CTNNA2: variants seen among roughly 807,000 people sequenced by gnomAD.
The protein encoded by CTNNA2 is catenin alpha 2.
CTNNA2 carries 42 observed loss-of-function variants against 101.0 expected under a neutral mutation model. That is an observed-to-expected ratio of 0.42 (90% confidence interval 0.32 to 0.54). The LOEUF (loss-of-function observed/expected upper bound fraction) is 0.54. Among genes scored for constraint, CTNNA2 ranks in the 20% least tolerant of loss-of-function variants. The pLI, the probability that CTNNA2 is intolerant of heterozygous loss-of-function variation, is 0.14. For missense variants in CTNNA2, 871 were observed against 1,223.1 expected (o/e 0.71, Z 4.29); for synonymous variants, 450 against 456.4 (o/e 0.99, Z 0.18).
At chr2:79,636,269 CAAAAAAAAAAAAA>C (rs57739991) in intron 1 of CTNNA2, among the ~76,000 whole-genome samples, 11 of 67,260 alleles carry the variant, frequency 1.6e-4, no homozygotes, top group Admixed American at 3.8e-4. Flanking sequence ...GACTCTGTCT[CAAAAAAAAAAAAA>C]AAAAAAAAAA....
chr2:79,806,738 T>C (rs1251849563), intron 3 of CTNNA2, among the ~76,000 whole-genome samples: 1 of 152,116 alleles, frequency 6.6e-6, no homozygotes, highest in Non-Finnish European at 1.5e-5. Context: ...GGGTTGCTTC[T>C]GTGTACAACC....
At chr2:79,682,282 G>C (rs1418435420) in intron 2 of CTNNA2, among the ~76,000 whole-genome samples, 1 of 151,528 alleles carries the variant, frequency 6.6e-6, no homozygotes, top group Non-Finnish European at 1.5e-5. Context: ...GTGGTGGCGG[G>C]CGCCTGTAAT....
At chr2:79,785,206 G>T (rs1307163504) in intron 3 of CTNNA2, among the ~76,000 whole-genome samples, 1 of 152,076 alleles carries the variant, frequency 6.6e-6, no homozygotes, top group Admixed American at 6.5e-5. Context: ...GTTGCCAATG[G>T]CTCTCCATCT....
At position 79,552,695 on chromosome 2, in the gene CTNNA2, T is replaced by C. The variant is rs1674190553; in HGVS notation, c.-6+39488T>C. 2.0e-5 allele frequency among the ~76,000 whole-genome samples: 3 copies of C among 152,198 alleles called. No homozygotes were observed. In the South Asian group the frequency reaches 6.2e-4, roughly 32 times the overall value. On this transcript the variant is annotated intron_variant, in intron 1 of 18. Transcript: ENST00000402739. ...GCACACCCTGAGGCTTAACATCTCA[T>C]GGAAGCCACCAAAGCTTTTGGCTTG...
chr2:79,285,398 T>C (rs1473387593), intron 2 of CTNNA2, among the ~76,000 whole-genome samples: 2 of 149,576 alleles, frequency 1.3e-5, no homozygotes, highest in Admixed American at 1.3e-4. Context: ...TTTAGTGCTA[T>C]AAATTTCCCT....
intron 9 of CTNNA2, among the ~76,000 whole-genome samples, chr2:80,457,114 T>G (rs1037609901): frequency 1.3e-5 from 2 of 151,988 alleles, no homozygotes; most frequent in African/African-American, 4.8e-5. Flanking sequence ...TCTCGCTCTG[T>G]CACCCAGGCG....
intron 4 of CTNNA2, among the ~76,000 whole-genome samples, chr2:79,450,506 G>A (rs553533292): frequency 4.5e-4 from 69 of 152,126 alleles, no homozygotes; most frequent in African/African-American, 1.6e-3. Flanking sequence ...AGATTATATA[G>A]TATAAAACTG....
chr2:80,005,539 G>A (rs1300615989), intron 7 of CTNNA2, among the ~76,000 whole-genome samples: 4 of 152,160 alleles, frequency 2.6e-5, no homozygotes, highest in Admixed American at 6.5e-5. Context: ...TAGAAATCTT[G>A]GTTTTGGCAC....
chr2:79,951,351 T>C (rs1688866303), intron 7 of CTNNA2, among the ~76,000 whole-genome samples: 1 of 152,158 alleles, frequency 6.6e-6, no homozygotes, highest in Admixed American at 6.5e-5. Flanking sequence ...TCCCAATAAT[T>C]AAATTTACCC....
At chr2:80,285,579 G>C in intron 7 of CTNNA2, among the ~76,000 whole-genome samples, 1 of 152,058 alleles carries the variant, frequency 6.6e-6, no homozygotes, top group East Asian at 1.9e-4. Context: ...CATAGTCTGG[G>C]GACCAAGTCA....
chr2:79,414,107 A>G (rs1193434446), intron 4 of CTNNA2, among the ~76,000 whole-genome samples: 1 of 151,894 alleles, frequency 6.6e-6, no homozygotes, highest in African/African-American at 2.4e-5. Flanking sequence ...AAATTTAGGA[A>G]AACAGCCAGT....
At chr2:79,905,952 GCCTTTT>G (rs1235406247) in intron 6 of CTNNA2, among the ~76,000 whole-genome samples, 4 of 152,082 alleles carry the variant, frequency 2.6e-5, no homozygotes, top group Non-Finnish European at 5.9e-5. Context: ...TATAGATACA[GCCTTTT>G]CCTCTAGCTC....
At chr2:80,022,038 A>G (rs931906419) in intron 7 of CTNNA2, among the ~76,000 whole-genome samples, 1 of 152,232 alleles carries the variant, frequency 6.6e-6, no homozygotes, top group African/African-American at 2.4e-5. Context: ...ATCTGCCTCC[A>G]ATATCCTAGA....
At chr2:79,383,618 A>T (rs1159349629) in intron 4 of CTNNA2, among the ~76,000 whole-genome samples, 1 of 151,952 alleles carries the variant, frequency 6.6e-6, no homozygotes, top group Non-Finnish European at 1.5e-5. Flanking sequence ...ATGTTAAAAA[A>T]CCCATTCTCG....
At chr2:80,639,356 C>T (rs567116447) in intron 18 of CTNNA2, among the ~76,000 whole-genome samples, 2 of 152,216 alleles carry the variant, frequency 1.3e-5, no homozygotes, top group East Asian at 3.9e-4. Flanking sequence ...ATTACAGGCA[C>T]CTGCCACCAC....
intron 3 of CTNNA2, among the ~76,000 whole-genome samples, chr2:79,762,266 C>A (rs541826357): frequency 6.6e-6 from 1 of 152,244 alleles, no homozygotes; most frequent in South Asian, 2.1e-4. Flanking sequence ...GTGGTTTGCC[C>A]CAGAGGAGCT....
intron 7 of CTNNA2, among the ~76,000 whole-genome samples, chr2:80,017,952 T>G (rs906871166): frequency 6.6e-6 from 1 of 152,004 alleles, no homozygotes. Context: ...ACTATGTTTT[T>G]GGGAAGTTCA....
intron 4 of CTNNA2, among the ~76,000 whole-genome samples, chr2:79,396,898 C>T (rs544037090): frequency 9.2e-5 from 14 of 152,162 alleles, no homozygotes; most frequent in Non-Finnish European, 1.5e-4. Context: ...CTCTGTAGAC[C>T]ACGGGATGTA....
chr2:80,057,171 AGTT>A (rs1558766949), intron 7 of CTNNA2, among the ~76,000 whole-genome samples: 1 of 142,452 alleles, frequency 7.0e-6, no homozygotes, highest in East Asian at 1.9e-4. Flanking sequence ...GAAGTATATA[AGTT>A]GTTTTTTTTT....
Sources: allele counts gnomAD v4.1 joint callset (sites outside exome capture counted in the v4.1 genomes callset), GRCh38; gene constraint gnomAD v4.1.1; transcripts MANE v1.5; gene names NCBI Gene and HGNC (gene_info 2026-07-23, HGNC 2026-07-21).